The following POGZ variants were observed in gnomAD, a reference collection of about 807,000 sequenced individuals.
The protein encoded by POGZ is pogo transposable element with ZNF domain.
In POGZ, 17 loss-of-function variants were observed where a neutral mutation model predicts 134.6. The observed-to-expected ratio is 0.13, with a 90% confidence interval of 0.09 to 0.19. The LOEUF (loss-of-function observed/expected upper bound fraction) is 0.19. Among genes scored for constraint, POGZ ranks in the 10% least tolerant of loss-of-function variants. The pLI is 1.00. For missense variants in POGZ, 1,306 were observed against 1,769.7 expected, an observed-to-expected ratio of 0.74 and a Z score of 4.70; for synonymous variants, 693 against 657.1, an observed-to-expected ratio of 1.05 and a Z score of -0.84.
chr1:151,448,824 C>G (rs1316423048), intron 1 of POGZ, among the ~76,000 whole-genome samples: 1 of 152,070 alleles, frequency 6.6e-6, no homozygotes, highest in Admixed American at 6.6e-5. Flanking sequence ...GTGATCGAGC[C>G]ACTGCACTCC....
At chr1:151,418,091 C>T (rs998649411) in intron 10 of POGZ, among the ~76,000 whole-genome samples, 6 of 152,144 alleles carry the variant, frequency 3.9e-5, no homozygotes, top group African/African-American at 1.4e-4. Flanking sequence ...TGGCGTGTGC[C>T]TGTAATCCCA....
At chr1:151,421,864 T>C (rs990939238) in intron 10 of POGZ, among the ~76,000 whole-genome samples, 2 of 152,230 alleles carry the variant, frequency 1.3e-5, no homozygotes, top group Admixed American at 6.5e-5. Context: ...GTGATTCTCA[T>C]GCCTTGGCTT....
intron 1 of POGZ, among the ~76,000 whole-genome samples, chr1:151,446,216 A>C (rs1661239968): frequency 7.0e-6 from 1 of 143,178 alleles, no homozygotes; most frequent in African/African-American, 2.6e-5. Context: ...ATCATTCCAC[A>C]CATTTAACCT....
rs557650703 is a variant in POGZ at position 151,425,036 on chromosome 1, G to A, written c.1104C>T (p.Asp368=). The A allele has an allele frequency of 3.3e-4, 529 of 1,579,530 alleles. 4 individuals carry two copies. The South Asian group carries it at 5.7e-3, about 17-fold the overall frequency. Residue 368 remains aspartate, a synonymous_variant, in exon 8 of 19, where the codon GAC becomes GAT. Transcript: ENST00000271715. ...ATATTTTCCGTCCACCATCCTGGAG[G>A]TCAAATACTGGGATGGAAGAGGTCA... ...MKVTSSIPVF[D]LQDGGRKICP...
intron 1 of POGZ, among the ~76,000 whole-genome samples, chr1:151,444,942 G>A (rs139171622): frequency 1.3e-5 from 2 of 152,108 alleles, no homozygotes; most frequent in East Asian, 3.9e-4. Flanking sequence ...ATTGAGGATC[G>A]CCTGAGCCCA....
At chr1:151,427,758 T>C in intron 7 of POGZ, 65 bp downstream of exon 7, 2 of 1,051,704 alleles carry the variant, frequency 1.9e-6, no homozygotes, top group Non-Finnish European at 2.9e-6. Flanking sequence ...AAAGCTCTGA[T>C]ACAACAAACA....
At chr1:151,422,289 T>C (rs1467054906) in intron 10 of POGZ, among the ~76,000 whole-genome samples, 9 of 152,234 alleles carry the variant, frequency 5.9e-5, no homozygotes, top group Admixed American at 5.9e-4. Flanking sequence ...TTAAAATGTC[T>C]ATGTTTATAA....
Position 151,403,217 on chromosome 1 carries a change from CAAAA to C in POGZ, c.*1581_*1584del, listed in dbSNP as rs1653022204. ...GCTGGGGGATGAAAAAACAAACAAA[CAAAA>C]AAGCAGGGTGGGGTGGGAGAAATGG... is the stretch of plus-strand genomic sequence containing the variant. On this transcript the variant is annotated 3_prime_UTR_variant, in exon 19 of 19. Coordinates refer to ENST00000271715, the MANE Select transcript of POGZ (RefSeq NM_015100.4). 3 of 985,506 alleles carry C rather than the reference CAAAA, an allele frequency of 3.0e-6. No homozygotes were observed. Among genetic ancestry groups the C allele is most frequent in the Non-Finnish European group, 3.6e-6 (3 of 829,808 alleles). 61.0% of individuals were successfully genotyped at this position (985,506 alleles called of 1,614,324 possible).
rs1300959345 is a variant in POGZ at position 151,403,879 on chromosome 1, T to A, written c.*923A>T. On this transcript the variant is annotated 3_prime_UTR_variant, in exon 19 of 19. Transcript: ENST00000271715. ...GGACTGCCCCTGGGGGCTTACAGGA[T>A]GAAGACTCAAACTGGGAATGGCTTC... The A allele has an allele frequency of 1.0e-6, 1 of 985,358 alleles. No individual in the cohort carries two copies. Among genetic ancestry groups the A allele is most frequent in the Admixed American group, 6.1e-5 (1 of 16,264 alleles). The allele number at this position is 985,358 out of a possible 1,614,324, so 61.0% of individuals were successfully genotyped here. A position where few individuals can be genotyped will look rare whatever the true frequency, so the allele number is the denominator to read the frequency against.
chr1:151,424,391 C>T, intron 8 of POGZ, 105 bp from the exon 9 acceptor site: 1 of 713,388 alleles, frequency 1.4e-6, no homozygotes, highest in Non-Finnish European at 2.3e-6. Flanking sequence ...TTCAGGTATT[C>T]TCATTCAGCT....
chr1:151,409,016 C>T (rs1654176044), intron 12 of POGZ, among the ~76,000 whole-genome samples, 188 bp from the exon 13 acceptor site: 1 of 152,120 alleles, frequency 6.6e-6, no homozygotes. Context: ...CATCACCTCC[C>T]ATGATATCAA....
chr1:151,446,182 A>G (rs1363342987), intron 1 of POGZ, among the ~76,000 whole-genome samples: 1 of 150,776 alleles, frequency 6.6e-6, no homozygotes, highest in East Asian at 1.9e-4. Context: ...GCCCTCAAAA[A>G]AAAAAAAAAG....
In POGZ at chr1:151,428,054, A is replaced by G; in HGVS notation, c.860-13T>C. ...GGGAAGGAGGGAGCTACGGTGACCA[A>G]GTGATAATCATCTGTTCTCCACCCA... On this transcript the variant is annotated splice_polypyrimidine_tract_variant and intron_variant, in intron 6 of 18. Coordinates refer to ENST00000271715, the MANE Select transcript of POGZ (RefSeq NM_015100.4). The G allele has an allele frequency of 6.2e-7, 1 of 1,613,870 alleles. No individual in the cohort carries two copies. Among genetic ancestry groups the G allele is most frequent in the East Asian group, 2.2e-5 (1 of 44,884 alleles).
chr1:151,451,052 TA>T (rs1396746605), intron 1 of POGZ: 203 of 142,448 alleles, frequency 1.4e-3, no homozygotes, highest in Middle Eastern at 0.011. Flanking sequence ...CCGTCTCTAC[TA>T]AAAAAAAAAA....
chr1:151,443,541 C>T lies in POGZ; in HGVS notation c.-1-1336G>A, dbSNP rs538772390. Among the ~76,000 whole-genome samples, 13 of 152,118 alleles carry T rather than the reference C, an allele frequency of 8.5e-5. No homozygotes were observed. The South Asian group carries it at 2.5e-3, about 29-fold the overall frequency. On this transcript the variant is annotated intron_variant, in intron 1 of 18. Coordinates refer to ENST00000271715, the MANE Select transcript of POGZ (RefSeq NM_015100.4). ...ATCAGCCTGACCAACATGGAGAAAA[C>T]CCATCTCTACTAAAAACATAAAATT...
At chr1:151,447,160 C>G (rs928241289) in intron 1 of POGZ, among the ~76,000 whole-genome samples, 1 of 151,842 alleles carries the variant, frequency 6.6e-6, no homozygotes, top group Non-Finnish European at 1.5e-5. Flanking sequence ...CTAAGGCGGG[C>G]GGATCACATG....
intron 2 of POGZ, 21 bp from the exon 3 acceptor site, chr1:151,441,107 A>G (rs1306823451): frequency 4.4e-6 from 7 of 1,605,250 alleles, no homozygotes; most frequent in Non-Finnish European, 5.1e-6. Flanking sequence ...GGGGAGGCAT[A>G]GTCACTTGGA....
chr1:151,415,634 G>A (rs1420978984), intron 10 of POGZ, among the ~76,000 whole-genome samples: 1 of 139,646 alleles, frequency 7.2e-6, no homozygotes, highest in Non-Finnish European at 1.5e-5. Context: ...TCGCACCACT[G>A]CACTCCAGCC....
chr1:151,413,683 C>G (rs1655118916), intron 10 of POGZ, among the ~76,000 whole-genome samples: 1 of 151,682 alleles, frequency 6.6e-6, no homozygotes, highest in South Asian at 2.1e-4. Flanking sequence ...ACCGAGAACC[C>G]TGGATTTTTG....
Sources: allele counts gnomAD v4.1 joint callset (sites outside exome capture counted in the v4.1 genomes callset), GRCh38; gene constraint gnomAD v4.1.1; transcripts MANE v1.5; gene names NCBI Gene and HGNC (gene_info 2026-07-23, HGNC 2026-07-21).